The following LRRC4C variants were observed in gnomAD, a reference collection of about 807,000 sequenced individuals.
The protein encoded by LRRC4C is leucine rich repeat containing 4C.
In LRRC4C, 5 loss-of-function variants were observed where a neutral mutation model predicts 33.6. The ratio of observed to expected loss-of-function variants is 0.15; its 90% CI spans 0.08 to 0.31. The LOEUF (loss-of-function observed/expected upper bound fraction) is 0.31. Among genes scored for constraint, LRRC4C ranks in the 10% least tolerant of loss-of-function variants. The pLI is 1.00. For missense variants in LRRC4C, 560 were observed against 796.7 expected (o/e 0.70, Z 3.58); for synonymous variants, 329 against 302.0 (o/e 1.09, Z -0.93).
chr11:40,649,449 G>A (rs192523218), intron 2 of LRRC4C, among the ~76,000 whole-genome samples: 223 of 152,192 alleles, frequency 1.5e-3, no homozygotes, highest in East Asian at 0.013. Context: ...TATTCTGCCC[G>A]ACCCCGCAGG....
At chr11:40,119,442 G>A (rs77077834) in intron 6 of LRRC4C, among the ~76,000 whole-genome samples, 13,751 of 151,910 alleles carry the variant, frequency 0.091, 984 homozygotes, top group East Asian at 0.34. Context: ...CTTTTCACAC[G>A]ATCTGGTACT....
chr11:40,648,406 A>AT (rs1006996917), intron 2 of LRRC4C, 128 bp from the exon 3 acceptor site: 7 of 152,156 alleles, frequency 4.6e-5, no homozygotes, highest in Non-Finnish European at 1.0e-4. Context: ...GACCATTTTT[A>AT]TTTTTTGTAT....
intron 2 of LRRC4C, among the ~76,000 whole-genome samples, chr11:40,687,691 T>A (rs895636216): frequency 2.6e-5 from 4 of 152,130 alleles, no homozygotes; most frequent in African/African-American, 9.6e-5. Flanking sequence ...GATTGATGCA[T>A]GCAAATTATT....
chr11:41,404,736 A>G (rs7109870), intron 1 of LRRC4C, among the ~76,000 whole-genome samples: 60,655 of 151,872 alleles, frequency 0.4, 13,107 homozygotes, highest in African/African-American at 0.56. Flanking sequence ...AAATACAGGT[A>G]CTTTTCACAT....
chr11:40,898,366 A>AAAAAAAAAAAAAAG (rs1554991246), intron 2 of LRRC4C, among the ~76,000 whole-genome samples: 493 of 116,936 alleles, frequency 4.2e-3, no homozygotes, highest in East Asian at 6.8e-3. Flanking sequence ...AAAAAAAAAA[A>AAAAAAAAAAAAAAG]AAAAAAGAAA....
At chr11:40,647,641 G>C (rs566349366) in intron 3 of LRRC4C, among the ~76,000 whole-genome samples, 1 of 152,024 alleles carries the variant, frequency 6.6e-6, no homozygotes, top group Non-Finnish European at 1.5e-5. Flanking sequence ...AAAGCTTTCC[G>C]ATCTCCCCAG....
At chr11:41,001,830 A>G (rs994706726) in intron 1 of LRRC4C, among the ~76,000 whole-genome samples, 76 of 151,456 alleles carry the variant, frequency 5.0e-4, no homozygotes, top group African/African-American at 1.8e-3. Context: ...CTTTCAGGTC[A>G]ATGGGCTCAG....
intron 3 of LRRC4C, among the ~76,000 whole-genome samples, chr11:40,369,289 A>G (rs1295152071): frequency 6.6e-6 from 1 of 152,168 alleles, no homozygotes; most frequent in Non-Finnish European, 1.5e-5. Flanking sequence ...CAATGTCTCA[A>G]TGTTCCTTGT....
intron 3 of LRRC4C, among the ~76,000 whole-genome samples, chr11:40,579,330 A>G (rs528982034): frequency 7.8e-4 from 119 of 152,084 alleles, no homozygotes; most frequent in Non-Finnish European, 1.5e-3. Flanking sequence ...TGTTAAAAAA[A>G]AAAAAGGAAT....
chr11:40,300,408 G>T (rs1277094594), intron 4 of LRRC4C, among the ~76,000 whole-genome samples: 1 of 152,136 alleles, frequency 6.6e-6, no homozygotes, highest in Admixed American at 6.6e-5. Flanking sequence ...AGAACAAAAC[G>T]CATTCTAAGA....
intron 4 of LRRC4C, among the ~76,000 whole-genome samples, chr11:40,253,885 T>G (rs757550616): frequency 1.2e-4 from 19 of 152,248 alleles, no homozygotes; most frequent in Non-Finnish European, 2.8e-4. Flanking sequence ...ACGTTATTAC[T>G]TTGAGGTACT....
intron 1 of LRRC4C, among the ~76,000 whole-genome samples, chr11:41,098,317 A>G (rs976589182): frequency 6.6e-6 from 1 of 152,052 alleles, no homozygotes; most frequent in Non-Finnish European, 1.5e-5. Flanking sequence ...CAATTCTTTC[A>G]TTGGTCAGAT....
chr11:41,025,143 T>G (rs1189629729), intron 1 of LRRC4C, among the ~76,000 whole-genome samples: 1 of 151,610 alleles, frequency 6.6e-6, no homozygotes, highest in Non-Finnish European at 1.5e-5. Context: ...ATTAGGCCAA[T>G]TAATAACCCT....
chr11:40,133,477 G>A (rs1856782222), intron 6 of LRRC4C, among the ~76,000 whole-genome samples: 1 of 152,178 alleles, frequency 6.6e-6, no homozygotes, highest in African/African-American at 2.4e-5. Context: ...CACTAAAGAT[G>A]TCTGGGATTT....
intron 3 of LRRC4C, among the ~76,000 whole-genome samples, chr11:40,475,319 G>C (rs2138338847): frequency 6.6e-6 from 1 of 152,204 alleles, no homozygotes; most frequent in African/African-American, 2.4e-5. Context: ...GATGAAGCTG[G>C]AATTTATCCT....
chr11:40,232,592 T>C (rs1344080734), intron 5 of LRRC4C, among the ~76,000 whole-genome samples: 1 of 152,246 alleles, frequency 6.6e-6, no homozygotes, highest in Non-Finnish European at 1.5e-5. Context: ...TTTTTTATTA[T>C]TGCTGTACAT....
chr11:41,099,891 T>C (rs1194412983), intron 1 of LRRC4C, among the ~76,000 whole-genome samples: 1 of 152,106 alleles, frequency 6.6e-6, no homozygotes, highest in East Asian at 1.9e-4. Flanking sequence ...AGAAAGGATG[T>C]CAAACTATCT....
At chr11:40,384,264 A>G (rs965730196) in intron 3 of LRRC4C, among the ~76,000 whole-genome samples, 3 of 152,140 alleles carry the variant, frequency 2.0e-5, no homozygotes, top group Admixed American at 6.5e-5. Context: ...TTAAAGAAAC[A>G]GGAAACTTTA....
chr11:41,415,676 T>G (rs985700105), intron 1 of LRRC4C, among the ~76,000 whole-genome samples: 3 of 152,090 alleles, frequency 2.0e-5, no homozygotes, highest in Non-Finnish European at 2.9e-5. Context: ...ATTTTAGATG[T>G]TGGATTTTTA....
Sources: gnomAD v4.1 joint callset for allele counts (sites outside exome capture counted in the v4.1 genomes callset) on GRCh38, gnomAD v4.1.1 for gene constraint, MANE v1.5 for transcripts, NCBI Gene and HGNC (gene_info 2026-07-23, HGNC 2026-07-21) for gene names.